PRKCE: variants seen among roughly 807,000 people sequenced by gnomAD.
PRKCE encodes protein kinase C epsilon.
Under a neutral mutation model 85.4 loss-of-function variants are expected in PRKCE, and 16 were observed. The ratio of observed to expected loss-of-function variants is 0.19; its 90% CI spans 0.13 to 0.28. The LOEUF (loss-of-function observed/expected upper bound fraction) is 0.28. Ranked by LOEUF, PRKCE falls within the 10% of genes least tolerant of loss-of-function variation. The probability of loss-of-function intolerance (pLI) is 1.00; values close to 1 mark genes in which losing one functional copy is unlikely to be tolerated. For missense variants in PRKCE, 573 were observed against 975.2 expected (o/e 0.59, Z 5.49); for synonymous variants, 388 against 371.5 (o/e 1.04, Z -0.51).
chr2:45,982,251 G>A (rs1702950677), intron 5 of PRKCE, among the ~76,000 whole-genome samples: 2 of 145,746 alleles, frequency 1.4e-5, no homozygotes, highest in African/African-American at 2.6e-5. Flanking sequence ...GAACTGCTGG[G>A]GACCAAACTT....
chr2:46,009,577 T>C (rs774641745), intron 9 of PRKCE, among the ~76,000 whole-genome samples: 16 of 152,224 alleles, frequency 1.1e-4, no homozygotes, highest in African/African-American at 3.6e-4. Flanking sequence ...TAGTGGCACA[T>C]TGTATCACAC....
At chr2:45,748,871 A>G (rs1683335704) in intron 1 of PRKCE, among the ~76,000 whole-genome samples, 1 of 149,134 alleles carries the variant, frequency 6.7e-6, no homozygotes, top group Non-Finnish European at 1.5e-5. Context: ...CAGGACTTCA[A>G]AAACAGAGAG....
At chr2:46,100,769 G>A (rs1438326098) in intron 11 of PRKCE, among the ~76,000 whole-genome samples, 1 of 152,220 alleles carries the variant, frequency 6.6e-6, no homozygotes, top group Non-Finnish European at 1.5e-5. Context: ...GCTGTGCCAG[G>A]TATAGGACTC....
chr2:45,868,712 G>A (rs905017846), intron 2 of PRKCE, among the ~76,000 whole-genome samples: 8 of 145,142 alleles, frequency 5.5e-5, no homozygotes, highest in African/African-American at 7.6e-5. Flanking sequence ...CGAGGTGGGC[G>A]GATCGTCTGA....
chr2:45,932,159 TTTGA>T (rs1303069274), intron 2 of PRKCE, among the ~76,000 whole-genome samples: 1 of 152,246 alleles, frequency 6.6e-6, no homozygotes, highest in African/African-American at 2.4e-5. Context: ...TTTACTTGGT[TTTGA>T]ACTCTACATG....
At chr2:46,121,770 T>C (rs1044148529) in intron 11 of PRKCE, among the ~76,000 whole-genome samples, 1 of 152,172 alleles carries the variant, frequency 6.6e-6, no homozygotes, top group Non-Finnish European at 1.5e-5. Flanking sequence ...CAGGGCCTCG[T>C]ACACCTAAAC....
chr2:46,130,132 G>T (rs545590468), intron 11 of PRKCE, among the ~76,000 whole-genome samples: 8 of 152,010 alleles, frequency 5.3e-5, no homozygotes, highest in Non-Finnish European at 1.2e-4. Context: ...TGTTTTTGTG[G>T]TTGTTTTCAT....
Position 46,053,336 on chromosome 2 carries a change from T to C in PRKCE, c.1438-32872T>C, listed in dbSNP as rs150088330. Among the ~76,000 whole-genome samples, 642 of 152,352 alleles carry C rather than the reference T, an allele frequency of 4.2e-3. 8 individuals carry two copies. The highest frequency in any genetic ancestry group is 0.015 in the African/African-American group (607 of 41,570). On this transcript the variant is annotated intron_variant, in intron 10 of 14. Coordinates refer to ENST00000306156, the MANE Select transcript of PRKCE (RefSeq NM_005400.3). ...AAAGTTACTCCCCCCCGATTATTTA[T>C]TGTGGTAAAATATAGGTAAAATTTA...
chr2:46,103,473 C>G (rs1488947586), intron 11 of PRKCE, among the ~76,000 whole-genome samples: 1 of 152,106 alleles, frequency 6.6e-6, no homozygotes, highest in African/African-American at 2.4e-5. Flanking sequence ...TGTGTGTGTT[C>G]TAACTCATGA....
intron 1 of PRKCE, among the ~76,000 whole-genome samples, chr2:45,736,682 T>C (rs1443064444): frequency 1.3e-5 from 2 of 152,238 alleles, no homozygotes; most frequent in Non-Finnish European, 2.9e-5. Flanking sequence ...TACAGTCAAG[T>C]TTCTGGAGAA....
At chr2:45,993,827 C>T (rs974713107) in intron 6 of PRKCE, among the ~76,000 whole-genome samples, 2 of 152,054 alleles carry the variant, frequency 1.3e-5, no homozygotes, top group South Asian at 2.1e-4. Context: ...CTGATCAGCC[C>T]GCGGATCAGA....
chr2:46,166,608 G>T (rs753494253), intron 14 of PRKCE, among the ~76,000 whole-genome samples: 1 of 152,246 alleles, frequency 6.6e-6, no homozygotes, highest in Non-Finnish European at 1.5e-5. Context: ...GTGACACTCA[G>T]AATTCACCTC....
chr2:45,953,429 C>G (rs1178629416), intron 2 of PRKCE, among the ~76,000 whole-genome samples: 2 of 152,178 alleles, frequency 1.3e-5, no homozygotes, highest in African/African-American at 2.4e-5. Flanking sequence ...CCTCCTTGCT[C>G]TCTCTCTTCC....
chr2:46,026,742 C>G (rs1378676035), intron 10 of PRKCE, among the ~76,000 whole-genome samples: 1 of 152,140 alleles, frequency 6.6e-6, no homozygotes, highest in Non-Finnish European at 1.5e-5. Flanking sequence ...GGCATAAGAG[C>G]TGGTAATTTT....
At chr2:45,681,818 C>T (rs1379950882) in intron 1 of PRKCE, among the ~76,000 whole-genome samples, 1 of 152,180 alleles carries the variant, frequency 6.6e-6, no homozygotes, top group African/African-American at 2.4e-5. Flanking sequence ...GCTTGGTGCT[C>T]ACTAAGTGCA....
chr2:46,161,901 GC>G (rs1394467601), intron 14 of PRKCE, among the ~76,000 whole-genome samples: 1 of 152,144 alleles, frequency 6.6e-6, no homozygotes, highest in African/African-American at 2.4e-5. Flanking sequence ...CTTCTGAGAG[GC>G]ATCCCTCTTT....
At position 45,774,344 on chromosome 2, in the gene PRKCE, G is replaced by A. The variant is rs1685583303; in HGVS notation, c.349-68656G>A. On this transcript the variant is annotated intron_variant, in intron 1 of 14. Transcript: ENST00000306156. This position sits in a 1 kb window ranked among gnomAD's most constrained non-coding sequence, Gnocchi z 4.3. ...CTTCTGTAGCTCCCAGCCTTCCACT[G>A]TGGAAGTGCTCACTAAATAGGTGTT... Among the ~76,000 whole-genome samples the A allele has an allele frequency of 6.6e-6, 1 of 152,216 alleles. No individual in the cohort carries two copies. Among genetic ancestry groups the A allele is most frequent in the Non-Finnish European group, 1.5e-5 (1 of 68,034 alleles).
chr2:45,738,831 A>G (rs1274562762), intron 1 of PRKCE, among the ~76,000 whole-genome samples: 5 of 152,226 alleles, frequency 3.3e-5, no homozygotes, highest in Non-Finnish European at 4.4e-5. Context: ...AAATAGATGA[A>G]TTTTAATATC....
At chr2:46,109,160 T>C (rs531379976) in intron 11 of PRKCE, among the ~76,000 whole-genome samples, 1 of 152,186 alleles carries the variant, frequency 6.6e-6, no homozygotes, top group Non-Finnish European at 1.5e-5. Flanking sequence ...TCTTCAGTAA[T>C]GTTTTGGGTC....
Sources: gnomAD v4.1 joint callset for allele counts (sites outside exome capture counted in the v4.1 genomes callset) on GRCh38, gnomAD v4.1.1 for gene constraint, Gnocchi (gnomAD v3.1) non-coding constraint, MANE v1.5 for transcripts, NCBI Gene and HGNC (gene_info 2026-07-23, HGNC 2026-07-21) for gene names.